Variants in TMEM260 observed in about 807,000 individuals in gnomAD.
TMEM260 encodes the protein protein O-mannosyl-transferase TMEM260.
Under a neutral mutation model 88.9 loss-of-function variants are expected in TMEM260, and 82 were observed. That is an observed-to-expected ratio of 0.92 (90% CI 0.77 to 1.11). TMEM260 has a LOEUF of 1.11. Among genes scored for constraint, TMEM260 ranks in the 50% least tolerant of loss-of-function variants. TMEM260 has a pLI of 0.00. For missense variants in TMEM260, 902 were observed against 853.4 expected (o/e 1.06, Z -0.71); for synonymous variants, 314 against 309.3 (o/e 1.02, Z -0.16).
downstream of TMEM260, among the ~76,000 whole-genome samples, chr14:56,653,956 A>G (rs1890256036): frequency 6.6e-6 from 1 of 152,170 alleles, no homozygotes; most frequent in South Asian, 2.1e-4. Flanking sequence ...TCCCAATTAC[A>G]TGAAACCAGC....
chr14:56,620,212 G>A (rs1012484848), intron 10 of TMEM260, among the ~76,000 whole-genome samples: 1 of 152,102 alleles, frequency 6.6e-6, no homozygotes, highest in South Asian at 2.1e-4. Flanking sequence ...CCTGGGTGAC[G>A]AAATAATCTG....
chr14:56,649,117 G>T lies in TMEM260; in HGVS notation c.*1620G>T, dbSNP rs1890133269. On this transcript the variant is annotated 3_prime_UTR_variant, in exon 16 of 16. Transcript: ENST00000261556. ...AACCTTTTGAAGAGTGTCAATAGTT[G>T]TAACAGTTCAGCTGTTAGGAAGACA... is the stretch of plus-strand genomic sequence containing the variant. 1 of 152,626 alleles carries T rather than the reference G, an allele frequency of 6.6e-6. No homozygotes were observed. The highest frequency in any genetic ancestry group is 2.1e-4 in the South Asian group (1 of 4,824). The allele number at this position is 152,626 out of a possible 1,614,324, so 9.5% of individuals were successfully genotyped here. A position where few individuals can be genotyped will look rare whatever the true frequency, so the allele number is the denominator to read the frequency against.
chr14:56,616,573 A>G (rs1020212547), intron 8 of TMEM260, among the ~76,000 whole-genome samples: 13 of 152,054 alleles, frequency 8.5e-5, no homozygotes, highest in East Asian at 3.8e-4. Flanking sequence ...AGAACATTCT[A>G]TGACCACAGG....
the TMEM260 span, among the ~76,000 whole-genome samples, chr14:56,661,214 TGGTC>T: frequency 6.9e-3 from 1,056 of 152,258 alleles, 10 homozygotes; most frequent in South Asian, 0.025. Flanking sequence ...GGAATCCTGG[TGGTC>T]GCCACCCCTC....
intron 14 of TMEM260, among the ~76,000 whole-genome samples, chr14:56,635,560 T>C (rs949463788): frequency 6.6e-6 from 1 of 152,220 alleles, no homozygotes; most frequent in Admixed American, 6.5e-5. Context: ...TATGGAACAT[T>C]TCATAGTGAT....
At chr14:56,647,112 A>G in intron 15 of TMEM260, 131 bp from the exon 16 acceptor site, 2 of 970,010 alleles carry the variant, frequency 2.1e-6, no homozygotes, top group Non-Finnish European at 3.0e-6. Flanking sequence ...TGGCTTAGCA[A>G]TGATTAGATT....
intron 15 of TMEM260, 101 bp from the exon 16 acceptor site, chr14:56,647,142 A>G: frequency 7.6e-7 from 1 of 1,323,892 alleles, no homozygotes; most frequent in Non-Finnish European, 1.0e-6. Context: ...GGCTGCTTGA[A>G]TTTTTTTTTC....
chr14:56,653,437 A>G (rs1230355127), downstream of TMEM260, among the ~76,000 whole-genome samples: 1 of 151,996 alleles, frequency 6.6e-6, no homozygotes, highest in Non-Finnish European at 1.5e-5. Context: ...ACTGGCTTAG[A>G]AGAACTTAAC....
Position 56,585,929 on chromosome 14 carries a change from G to A in TMEM260, c.344+17G>A, listed in dbSNP as rs529373773. On this transcript the variant is annotated intron_variant, in intron 3 of 15. Transcript: ENST00000261556. ...CGTTTTCAGGTAAAGTAGTTGATTA[G>A]TTAAAATTAATTTTGAGCAGTTGGA... The A allele has an allele frequency of 6.2e-7, 1 of 1,608,428 alleles. No homozygotes were observed. Among genetic ancestry groups the A allele is most frequent in the Admixed American group, 1.7e-5 (1 of 58,888 alleles).
intron 14 of TMEM260, among the ~76,000 whole-genome samples, chr14:56,635,846 TATATA>T (rs1415140319): frequency 8.2e-6 from 1 of 121,822 alleles, no homozygotes; most frequent in Non-Finnish European, 1.6e-5. Context: ...TGATTGCAAA[TATATA>T]TATATATACT....
At chr14:56,603,189 T>A (rs532171464) in intron 3 of TMEM260, among the ~76,000 whole-genome samples, 1 of 152,238 alleles carries the variant, frequency 6.6e-6, no homozygotes, top group African/African-American at 2.4e-5. Context: ...CTGGTGTTAT[T>A]GAAATTCACA....
chr14:56,602,316 G>A (rs1383727379), intron 3 of TMEM260, among the ~76,000 whole-genome samples: 1 of 152,152 alleles, frequency 6.6e-6, no homozygotes, highest in Non-Finnish European at 1.5e-5. Context: ...ATGAGCAAAG[G>A]TATAGTGCTA....
At chr14:56,620,770 CAGAA>C (rs1331727217) in intron 10 of TMEM260, among the ~76,000 whole-genome samples, 2 of 152,160 alleles carry the variant, frequency 1.3e-5, no homozygotes, top group Admixed American at 1.3e-4. Flanking sequence ...TTGGTAATAA[CAGAA>C]AGGACATTGC....
chr14:56,614,838 A>G (rs1156325028), intron 7 of TMEM260, among the ~76,000 whole-genome samples: 1 of 152,214 alleles, frequency 6.6e-6, no homozygotes, highest in African/African-American at 2.4e-5. Flanking sequence ...ACATTGAAAA[A>G]GGCAACTCAT....
chr14:56,644,199 A>G (rs549606834), intron 15 of TMEM260, among the ~76,000 whole-genome samples: 42 of 152,230 alleles, frequency 2.8e-4, no homozygotes, highest in South Asian at 2.7e-3. Context: ...ACATTGCCAA[A>G]TCAATCCTAA....
At chr14:56,639,170 G>T (rs921056668) in intron 15 of TMEM260, among the ~76,000 whole-genome samples, 2 of 152,082 alleles carry the variant, frequency 1.3e-5, no homozygotes, top group African/African-American at 4.8e-5. Flanking sequence ...GTGGGTTGGG[G>T]ATGGTTAATA....
At chr14:56,610,751 C>T (rs1887209095) in intron 6 of TMEM260, among the ~76,000 whole-genome samples, 1 of 151,860 alleles carries the variant, frequency 6.6e-6, no homozygotes, top group South Asian at 2.1e-4. Context: ...TGTCTGAAGA[C>T]CATTCTAGAT....
rs775367896 is a variant in TMEM260, at chr14:56,618,620, T to C, written c.1083T>C (p.Asn361=). 8 of 1,614,210 alleles carry C rather than the reference T, an allele frequency of 5.0e-6. No individual in the cohort carries two copies. The highest frequency in any genetic ancestry group is 6.8e-6 in the Non-Finnish European group (8 of 1,180,036). The change falls in exon 10 of 16, where the codon AAT becomes AAC. Residue 361 remains asparagine, a synonymous_variant. Transcript: ENST00000261556. ...GVVERFWMQS[N]AVVAVLAGIG... ...TGGAACGATTCTGGATGCAGAGCAATGCAGTAGTGGCCGTCCTCGCTGGCA... is the reference window on the plus strand; with the variant it reads ...TGGAACGATTCTGGATGCAGAGCAACGCAGTAGTGGCCGTCCTCGCTGGCA...
the TMEM260 span, among the ~76,000 whole-genome samples, chr14:56,660,057 G>A: frequency 4.6e-5 from 7 of 152,136 alleles, no homozygotes; most frequent in Non-Finnish European, 8.8e-5. Context: ...TAAATTTCAC[G>A]CCTTGCATTC....
Sources: allele counts gnomAD v4.1 joint callset (sites outside exome capture counted in the v4.1 genomes callset), GRCh38; gene constraint gnomAD v4.1.1; transcripts MANE v1.5; gene names NCBI Gene and HGNC (gene_info 2026-07-23, HGNC 2026-07-21).